ENO1: variants seen among roughly 807,000 people sequenced by gnomAD.
The protein encoded by ENO1 is enolase 1, also known as alpha-enolase.
A neutral mutation model predicts 46.3 loss-of-function variants in ENO1; 33 were observed. That is an observed-to-expected ratio of 0.71 (90% confidence interval 0.54 to 0.95). The LOEUF (loss-of-function observed/expected upper bound fraction) is 0.95, where lower values mean the gene tolerates loss of function less well. ENO1 is among the 40% of genes least tolerant of loss of function. The pLI, the probability that ENO1 is intolerant of heterozygous loss-of-function variation, is 0.00. For missense variants in ENO1, 488 were observed against 553.3 expected (o/e 0.88, Z 1.18); for synonymous variants, 220 against 216.0 (o/e 1.02, Z -0.16).
At chr1:8,871,160 C>T (rs1023957357) in intron 3 of ENO1, 23 of 1,110,650 alleles carry the variant, frequency 2.1e-5, no homozygotes, top group South Asian at 8.9e-5. Context: ...AGCATTAAAG[C>T]GGGACTGAAC....
chr1:8,867,461 T>C (rs577594220), intron 5 of ENO1, among the ~76,000 whole-genome samples: 11 of 152,346 alleles, frequency 7.2e-5, no homozygotes, highest in Non-Finnish European at 1.2e-4. Context: ...ACAGTAGGAA[T>C]TGCTGAATTC....
At chr1:8,863,756 A>T in intron 9 of ENO1, 135 bp downstream of exon 9, 1 of 1,073,510 alleles carries the variant, frequency 9.3e-7, no homozygotes, top group Non-Finnish European at 1.4e-6. Flanking sequence ...CCTGAGTTCA[A>T]ACACAAAACC....
intron 2 of ENO1, among the ~76,000 whole-genome samples, chr1:8,872,856 T>C (rs937688919): frequency 2.6e-5 from 4 of 152,124 alleles, no homozygotes; most frequent in Admixed American, 2.6e-4. Flanking sequence ...GATAATAAAA[T>C]GCGCAGTTTA....
chr1:8,865,441 T>C lies in ENO1; in HGVS notation c.709A>G (p.Thr237Ala), dbSNP rs1642491219. ...TCCATGCCGATGACCACCTTATCAG[T>C]GTAGCCAGCTTTCCCAATAGCAGTC... is the stretch of plus-strand genomic sequence containing the variant. ...LKTAIGKAGYTDKVVIGMDVA... is the reference protein window; with the variant it reads ...LKTAIGKAGYADKVVIGMDVA... Residue 237 changes from threonine to alanine, a missense_variant, in exon 8 of 12, where the codon ACT becomes GCT. Coordinates refer to ENST00000234590, the MANE Select transcript of ENO1 (RefSeq NM_001428.5). The C allele has an allele frequency of 1.9e-6, 3 of 1,613,594 alleles. No homozygotes were observed. The highest frequency in any genetic ancestry group is 2.5e-6 in the Non-Finnish European group (3 of 1,180,048).
chr1:8,861,631 A>G (rs1642407727), intron 11 of ENO1, among the ~76,000 whole-genome samples: 1 of 152,084 alleles, frequency 6.6e-6, no homozygotes, highest in Non-Finnish European at 1.5e-5. Flanking sequence ...AAAAGTATTT[A>G]GTTCTCCTCA....
intron 9 of ENO1, 92 bp from the exon 10 acceptor site, chr1:8,863,435 AGTGGAGG>A: frequency 7.8e-7 from 1 of 1,282,244 alleles, no homozygotes; most frequent in Non-Finnish European, 1.1e-6. Flanking sequence ...GCAGGAAAGC[AGTGGAGG>A]GGCTGTTAAT....
At chr1:8,874,732 T>A in intron 2 of ENO1, 92 bp downstream of exon 2, 1 of 964,288 alleles carries the variant, frequency 1.0e-6, no homozygotes, top group Non-Finnish European at 1.5e-6. Flanking sequence ...CTTTAACAGA[T>A]TTTTTTTTTC....
In ENO1 at chr1:8,861,010, G is replaced by A; in HGVS notation, c.*350C>T. ...CACAGGCACACGGAGTATTCTCATG[G>A]GTCACTGAGGCTTTTTATTTTGAGC... is the stretch of plus-strand genomic sequence containing the variant. On this transcript the variant is annotated 3_prime_UTR_variant, in exon 12 of 12. Transcript: ENST00000234590. 4.3e-6 allele frequency: 1 copy of A among 232,660 alleles called. No individual in the cohort carries two copies. Among genetic ancestry groups the A allele is most frequent in the Non-Finnish European group, 8.5e-6 (1 of 117,838 alleles). The allele number at this position is 232,660 out of a possible 1,614,324, so 14.4% of individuals were successfully genotyped here. A position where few individuals can be genotyped will look rare whatever the true frequency, so the allele number is the denominator to read the frequency against.
chr1:8,866,491 A>T lies in ENO1; in HGVS notation c.455T>A (p.Val152Asp). ...GCCAGCATGAGAACCGCCATTGATGACATTGAACGCCTGGGGAGAGCAGAG... is the reference window on the plus strand; with the variant it reads ...GCCAGCATGAGAACCGCCATTGATGTCATTGAACGCCTGGGGAGAGCAGAG... ...EVILPVPAFN[V>D]INGGSHAGNK... The change falls in exon 7 of 12, where the codon GTC (valine) becomes GAC (aspartate). Residue 152 changes from valine to aspartate, a missense_variant. Transcript: ENST00000234590. The T allele has an allele frequency of 6.2e-7, 1 of 1,614,190 alleles. No individual in the cohort carries two copies. Among genetic ancestry groups the T allele is most frequent in the Non-Finnish European group, 8.5e-7 (1 of 1,180,034 alleles).
At chr1:8,863,854 A>T in intron 9 of ENO1, 37 bp downstream of exon 9, 1 of 1,610,208 alleles carries the variant, frequency 6.2e-7, no homozygotes, top group South Asian at 1.1e-5. Context: ...CACAAGCCGT[A>T]GCTGCGGGAA....
chr1:8,866,106 T>C, intron 7 of ENO1, 173 bp downstream of exon 7: 1 of 511,608 alleles, frequency 2.0e-6, no homozygotes, highest in Non-Finnish European at 3.3e-6. Context: ...AAAAAATAAG[T>C]AAAATAAAAT....
chr1:8,866,081 A>C, intron 7 of ENO1, 198 bp downstream of exon 7: 1 of 504,256 alleles, frequency 2.0e-6, no homozygotes, highest in Non-Finnish European at 3.4e-6. Flanking sequence ...CATCTCAAAA[A>C]AAAAAAAAAA....
rs1274529562 is a variant in ENO1, at chr1:8,867,123, T to G, written c.438A>C (p.Pro146=). 1.9e-6 allele frequency: 3 copies of G among 1,613,366 alleles called. No homozygotes were observed. The East Asian group carries it at 6.7e-5, about 36-fold the overall frequency. ...GTTCCAATAAACCACTCACCGGGAC[T>G]GGCAGGATGACTTCAGAGTTGCCAG... ...DLAGNSEVIL[P]VPAFNVINGG... The change falls in exon 6 of 12, where the codon CCA becomes CCC. Residue 146 remains proline (P), a synonymous_variant. Coordinates refer to ENST00000234590, the MANE Select transcript of ENO1 (RefSeq NM_001428.5).
At position 8,870,474 on chromosome 1, in the gene ENO1, A is replaced by G. The variant is rs1278862065; in HGVS notation, c.218T>C (p.Ile73Thr). Residue 73 changes from isoleucine to threonine, a missense_variant, in exon 4 of 12, where the codon ATT becomes ACT. By Grantham distance (89) the Ile-to-Thr change is moderately conservative. Coordinates refer to ENST00000234590, the MANE Select transcript of ENO1 (RefSeq NM_001428.5). ...TACCTTGCTAACCAGGGCAGGCGCA[A>G]TAGTTTTATTGATGTGCTCAACAGC... ...SKAVEHINKT[I>T]APALVSKKLN... 1.2e-6 allele frequency: 2 copies of G among 1,614,218 alleles called. No individual in the cohort carries two copies. The highest frequency in any genetic ancestry group is 1.7e-6 in the Non-Finnish European group (2 of 1,180,032).
intron 1 of ENO1, among the ~76,000 whole-genome samples, chr1:8,876,487 C>T (rs929983368): frequency 6.6e-6 from 1 of 152,214 alleles, no homozygotes; most frequent in Non-Finnish European, 1.5e-5. Context: ...TCAATATCCC[C>T]CTGCCCCATC....
intron 2 of ENO1, among the ~76,000 whole-genome samples, chr1:8,873,452 A>G (rs1642672500): frequency 6.6e-6 from 1 of 152,226 alleles, no homozygotes; most frequent in Non-Finnish European, 1.5e-5. Context: ...CAAAATGTCC[A>G]ACTCCCAACA....
At chr1:8,878,257 C>T in intron 1 of ENO1, 1 of 215,028 alleles carries the variant, frequency 4.7e-6, no homozygotes, top group South Asian at 5.8e-5. Context: ...CCAACTCCCG[C>T]TGTGCTAAGC....
intron 1 of ENO1, among the ~76,000 whole-genome samples, chr1:8,876,703 C>T (rs977220653): frequency 1.3e-5 from 2 of 151,376 alleles, no homozygotes; most frequent in Admixed American, 6.6e-5. Context: ...GAGGCTGAGG[C>T]AGAAGAATGG....
chr1:8,865,093 C>T (rs1453305309), intron 8 of ENO1, among the ~76,000 whole-genome samples, 192 bp downstream of exon 8: 2 of 152,196 alleles, frequency 1.3e-5, no homozygotes, highest in Admixed American at 6.5e-5. Flanking sequence ...CTTAGCTACA[C>T]AAGAACCTCT....
Sources: allele counts gnomAD v4.1 joint callset (sites outside exome capture counted in the v4.1 genomes callset), GRCh38; gene constraint gnomAD v4.1.1; transcripts MANE v1.5; gene names NCBI Gene and HGNC (gene_info 2026-07-23, HGNC 2026-07-21).